KIAA1217: variants seen among roughly 807,000 people sequenced by gnomAD.
KIAA1217 encodes KIAA1217.
Under a neutral mutation model 163.9 loss-of-function variants are expected in KIAA1217, and 88 were observed. That is an observed-to-expected ratio of 0.54 (90% CI 0.45 to 0.64). The LOEUF (loss-of-function observed/expected upper bound fraction) is 0.64, where lower values mean the gene tolerates loss of function less well. Ranked by LOEUF, KIAA1217 falls within the 30% of genes least tolerant of loss-of-function variation. The pLI, the probability that KIAA1217 is intolerant of heterozygous loss-of-function variation, is 0.00. For synonymous variants in KIAA1217, 903 were observed against 923.1 expected (o/e 0.98, Z 0.39); for missense variants, 2,372 against 2,475.0 (o/e 0.96, Z 0.88).
intron 5 of KIAA1217, among the ~76,000 whole-genome samples, chr10:24,465,065 C>T (rs1230076332): frequency 6.6e-6 from 1 of 152,196 alleles, no homozygotes; most frequent in Non-Finnish European, 1.5e-5. Flanking sequence ...ACTCCTCCAT[C>T]CCCCTTCCTG....
intron 1 of KIAA1217, among the ~76,000 whole-genome samples, chr10:24,006,604 A>G (rs1018582032): frequency 6.6e-6 from 1 of 152,184 alleles, no homozygotes; most frequent in Non-Finnish European, 1.5e-5. Flanking sequence ...GGTGCCTCTC[A>G]GCATCATCCA....
At chr10:23,851,161 C>A (rs181562880) in intron 1 of KIAA1217, among the ~76,000 whole-genome samples, 78 of 152,256 alleles carry the variant, frequency 5.1e-4, no homozygotes, top group African/African-American at 1.9e-3. Context: ...TATCCCTCCC[C>A]CTTCCTCCCA....
intron 2 of KIAA1217, among the ~76,000 whole-genome samples, chr10:24,310,553 T>A (rs1341767050): frequency 6.6e-6 from 1 of 152,202 alleles, no homozygotes; most frequent in African/African-American, 2.4e-5. Context: ...TTTTAGAGTT[T>A]GAAATCACAA....
intron 2 of KIAA1217, among the ~76,000 whole-genome samples, chr10:24,149,789 T>C (rs957280165): frequency 2.0e-5 from 3 of 152,150 alleles, no homozygotes; most frequent in Non-Finnish European, 4.4e-5. Flanking sequence ...ATATTTGAGG[T>C]GACGCATATC....
At chr10:24,397,415 T>C (rs2055942447) in intron 3 of KIAA1217, among the ~76,000 whole-genome samples, 1 of 152,188 alleles carries the variant, frequency 6.6e-6, no homozygotes, top group African/African-American at 2.4e-5. Context: ...ACCGAGGATA[T>C]GATGCAAACA....
chr10:23,727,228 C>A (rs151187954), intron 1 of KIAA1217, among the ~76,000 whole-genome samples: 1 of 151,740 alleles, frequency 6.6e-6, no homozygotes, highest in Non-Finnish European at 1.5e-5. Context: ...CCTAACCTTG[C>A]GATCCACCCC....
chr10:24,370,264 C>CAATAAA (rs2051427584), intron 2 of KIAA1217, among the ~76,000 whole-genome samples: 1 of 73,450 alleles, frequency 1.4e-5, no homozygotes, highest in African/African-American at 5.2e-5. Flanking sequence ...GACTCTGTCT[C>CAATAAA]AAAAAAAAAA....
intron 2 of KIAA1217, among the ~76,000 whole-genome samples, chr10:24,369,461 C>T (rs953499179): frequency 2.0e-5 from 3 of 152,090 alleles, no homozygotes; most frequent in African/African-American, 7.2e-5. Flanking sequence ...TCCCATGGCA[C>T]AGCCCATACC....
At chr10:24,341,966 T>C (rs942003345) in intron 2 of KIAA1217, among the ~76,000 whole-genome samples, 5 of 152,358 alleles carry the variant, frequency 3.3e-5, no homozygotes, top group Non-Finnish European at 1.5e-5. Flanking sequence ...AGAGTGTTGA[T>C]ATACAGATCT....
At position 24,546,243 on chromosome 10, in the gene KIAA1217, T is replaced by C. The variant is rs1413791852; in HGVS notation, c.5751T>C (p.His1917=). The part of the protein sequence containing the change: ...NQGAKGTRTI[H]TPSLTSYKAQ... Reference sequence around the variant, plus strand: ...GTGCCAAGGGCACCAGGACCATCCATACTCCCAGCCTCACCAGCTACAAGG... The same window carrying C: ...GTGCCAAGGGCACCAGGACCATCCACACTCCCAGCCTCACCAGCTACAAGG... The change falls in exon 21 of 21, where the codon CAT becomes CAC. Residue 1917 remains histidine, a synonymous_variant. Coordinates refer to ENST00000376454, the MANE Select transcript of KIAA1217 (RefSeq NM_019590.5). 2 of 1,614,164 alleles carry C rather than the reference T, an allele frequency of 1.2e-6. No individual in the cohort carries two copies. The highest frequency in any genetic ancestry group is 1.7e-6 in the Non-Finnish European group (2 of 1,180,032).
At chr10:23,750,000 C>T (rs953153816) in intron 1 of KIAA1217, among the ~76,000 whole-genome samples, 1 of 152,090 alleles carries the variant, frequency 6.6e-6, no homozygotes, top group African/African-American at 2.4e-5. Context: ...CTTCTCCTTT[C>T]CATTCCTTTC....
intron 3 of KIAA1217, among the ~76,000 whole-genome samples, chr10:24,382,439 C>A (rs1271240932): frequency 1.3e-5 from 2 of 151,978 alleles, no homozygotes; most frequent in Non-Finnish European, 2.9e-5. Context: ...AAAAAAAACC[C>A]TACAACTTTG....
At chr10:23,940,214 C>T (rs940546743) in intron 1 of KIAA1217, among the ~76,000 whole-genome samples, 2 of 151,702 alleles carry the variant, frequency 1.3e-5, no homozygotes, top group Non-Finnish European at 2.9e-5. Flanking sequence ...AATCCCAGCA[C>T]TTTGGGAGGC....
intron 1 of KIAA1217, among the ~76,000 whole-genome samples, chr10:24,211,576 T>TC (rs2068118698): frequency 6.9e-6 from 1 of 144,752 alleles, no homozygotes; most frequent in Non-Finnish European, 1.5e-5. Context: ...TATTGTATTG[T>TC]ATTGTATTGT....
chr10:24,362,949 AG>A (rs201344003), intron 2 of KIAA1217, among the ~76,000 whole-genome samples: 1 of 147,452 alleles, frequency 6.8e-6, no homozygotes, highest in Non-Finnish European at 1.5e-5. Flanking sequence ...AAAAAAAAGA[AG>A]AAGAAGAAAA....
chr10:23,798,547 T>C (rs910822786), intron 1 of KIAA1217, among the ~76,000 whole-genome samples: 1 of 152,310 alleles, frequency 6.6e-6, no homozygotes, highest in East Asian at 1.9e-4. Flanking sequence ...CTCTTGAGTA[T>C]AGTAGTTTTT....
In KIAA1217 at chr10:24,545,863, A is replaced by T. The variant is rs759419270; in HGVS notation, c.5371A>T (p.Lys1791Ter). 6.2e-7 allele frequency: 1 copy of T among 1,609,328 alleles called. No homozygotes were observed. The highest frequency in any genetic ancestry group is 8.5e-7 in the Non-Finnish European group (1 of 1,178,170). ...GSAKKSGGDF[K>*]PTSPSLPASK... ...TGCTAAGAAATCTGGTGGGGACTTT[A>T]AGCCTACTTCCCCCTCCTTACCTGC... The change falls in exon 21 of 21, where the codon AAG (lysine) becomes TAG (stop). Residue 1791 changes from lysine to a stop codon, truncating the protein, a stop_gained. Transcript: ENST00000376454. LOFTEE classifies it high-confidence loss of function.
intron 2 of KIAA1217, among the ~76,000 whole-genome samples, chr10:24,238,132 A>G (rs929298850): frequency 2.0e-5 from 3 of 152,232 alleles, no homozygotes; most frequent in Non-Finnish European, 4.4e-5. Context: ...AGTTAACAGC[A>G]GACTGCTCCT....
intron 1 of KIAA1217, among the ~76,000 whole-genome samples, chr10:23,975,285 C>T (rs1845492988): frequency 1.3e-5 from 2 of 152,144 alleles, no homozygotes; most frequent in South Asian, 2.1e-4. Context: ...TCCCCGCACT[C>T]CTTTCTGACT....
Sources: gnomAD v4.1 joint callset for allele counts (sites outside exome capture counted in the v4.1 genomes callset) on GRCh38, gnomAD v4.1.1 for gene constraint, MANE v1.5 for transcripts, NCBI Gene and HGNC (gene_info 2026-07-23, HGNC 2026-07-21) for gene names.